ASIC3: variants seen among roughly 807,000 people sequenced by gnomAD.
ASIC3 encodes acid-sensing ion channel 3.
ASIC3 carries 46 observed loss-of-function variants against 58.6 expected under a neutral mutation model. That is an observed-to-expected ratio of 0.79 (90% CI 0.62 to 1.00). ASIC3 has a LOEUF of 1.00. ASIC3 is among the 50% of genes least tolerant of loss of function. The pLI, the probability that ASIC3 is intolerant of heterozygous loss-of-function variation, is 0.00. For missense variants in ASIC3, 770 were observed against 735.0 expected, an observed-to-expected ratio of 1.05 and a Z score of -0.55; for synonymous variants, 336 against 300.2, an observed-to-expected ratio of 1.12 and a Z score of -1.23.
rs372587470 is a variant in ASIC3 at position 151,049,216 on chromosome 7, G to A, written c.331G>A (p.Gly111Arg). 1.7e-5 allele frequency: 27 copies of A among 1,612,424 alleles called. No homozygotes were observed. The highest frequency in any genetic ancestry group is 3.3e-4 in the Middle Eastern group (2 of 6,060). The stretch of plus-strand genomic sequence containing the variant: ...AACGCCCAACGACCTGCACTGGGCT[G>A]GGTCTGCGCTGCTGGGCCTGGATCC... ...RLTPNDLHWA[G>R]SALLGLDPAE... is the part of the protein sequence containing the mutation. The change falls in exon 1 of 11, where the codon GGG (glycine) becomes AGG (arginine). Residue 111 changes from glycine to arginine, a missense_variant. Coordinates refer to ENST00000349064, the MANE Select transcript of ASIC3 (RefSeq NM_004769.4).
In ASIC3 at chr7:151,048,968, G is replaced by A. The variant is rs747134672; in HGVS notation, c.83G>A (p.Gly28Glu). 5.6e-6 allele frequency: 9 copies of A among 1,605,732 alleles called. No individual in the cohort carries two copies. The highest frequency in any genetic ancestry group is 7.7e-6 in the Non-Finnish European group (9 of 1,174,224). Residue 28 changes from glycine (G) to glutamate (E), a missense_variant, in exon 1 of 11, where the codon GGG (glycine) becomes GAG (glutamate). Transcript: ENST00000349064. ...RVFASNCSMH[G>E]LGHVFGPGSL... ...TTCGCCAGCAACTGCTCGATGCACG[G>A]GCTGGGCCACGTCTTCGGGCCAGGC... is the stretch of plus-strand genomic sequence containing the variant.
intron 3 of ASIC3, 45 bp from the exon 4 acceptor site, chr7:151,050,713 C>T: frequency 6.2e-7 from 1 of 1,606,646 alleles, no homozygotes; most frequent in Non-Finnish European, 8.5e-7. Flanking sequence ...CCCAGCTGGC[C>T]TCTCACGCTC....
intron 1 of ASIC3, 105 bp downstream of exon 1, chr7:151,049,524 G>A (rs1796716372): frequency 7.2e-6 from 10 of 1,387,930 alleles, no homozygotes; most frequent in South Asian, 5.6e-5. Context: ...CAAAGCCAGG[G>A]GACCTCTTCC....
In ASIC3 at chr7:151,049,972, G is replaced by A. The variant is rs546310892; in HGVS notation, c.535-134G>A. 2.0e-4 allele frequency: 233 copies of A among 1,183,180 alleles called. No homozygotes were observed. In the African/African-American group the frequency reaches 2.9e-3, roughly 15 times the overall value. 73.3% of individuals were successfully genotyped at this position (1,183,180 alleles called of 1,614,324 possible). Reference sequence around the variant, plus strand: ...TCCTGCAACATGTGCCCACTGGAGCGTGGGGCTGGGGGCATTGAGATGCGG... The same window carrying A: ...TCCTGCAACATGTGCCCACTGGAGCATGGGGCTGGGGGCATTGAGATGCGG... On this transcript the variant is annotated intron_variant, in intron 1 of 10. Transcript: ENST00000349064.
chr7:151,052,713 T>A lies in ASIC3; in HGVS notation c.*61T>A, dbSNP rs747012626. On this transcript the variant is annotated 3_prime_UTR_variant, in exon 11 of 11. Transcript: ENST00000349064. This position sits in a 1 kb window ranked among gnomAD's most constrained non-coding sequence, Gnocchi z 5.0. Reference sequence around the variant, plus strand: ...ATCCTGGACATGCCTAGCCTGCACGTAGCTTTTCCGTCTTCACCCCAAATA... The same window carrying A: ...ATCCTGGACATGCCTAGCCTGCACGAAGCTTTTCCGTCTTCACCCCAAATA... 7 of 1,613,980 alleles carry A rather than the reference T, an allele frequency of 4.3e-6. No individual in the cohort carries two copies. Among genetic ancestry groups the A allele is most frequent in the Middle Eastern group, 3.3e-4 (2 of 6,084 alleles).
At position 151,048,640 on chromosome 7, in the gene ASIC3, G is replaced by A; in HGVS notation, c.-246G>A. The stretch of plus-strand genomic sequence containing the variant: ...TCTGCTGCGGAGTCCCCAGCCCAGT[G>A]CCTAGCCCAGTGGAGCCACCGCCTG... On this transcript the variant is annotated 5_prime_UTR_variant, in exon 1 of 11. Coordinates refer to ENST00000349064, the MANE Select transcript of ASIC3 (RefSeq NM_004769.4). 1.9e-6 allele frequency: 1 copy of A among 529,630 alleles called. No individual in the cohort carries two copies. The highest frequency in any genetic ancestry group is 3.3e-6 in the Non-Finnish European group (1 of 300,630). 32.8% of individuals were successfully genotyped at this position (529,630 alleles called of 1,614,324 possible).
At chr7:151,048,370 C>A (rs1796676326), upstream of ASIC3, 1 of 156,204 alleles carries the variant, frequency 6.4e-6, no homozygotes, top group African/African-American at 2.4e-5. Flanking sequence ...TTCTCAAGCT[C>A]TCCCTAGGAT....
rs781338779 is a variant in ASIC3 at position 151,052,128 on chromosome 7, G to T, written c.1387-38G>T. 2 of 1,613,774 alleles carry T rather than the reference G, an allele frequency of 1.2e-6. No homozygotes were observed. The highest frequency in any genetic ancestry group is 1.7e-6 in the Non-Finnish European group (2 of 1,179,926). On this transcript the variant is annotated intron_variant, in intron 8 of 10. Transcript: ENST00000349064. The surrounding 1 kb of genome is among the most constrained non-coding windows in gnomAD (Gnocchi z 5.0). The stretch of plus-strand genomic sequence containing the variant: ...TCAGGGCCCCTAGGATGAGGGGGAA[G>T]GTGTGCACTGGCCACCTCCCATCCT...
intron 6 of ASIC3, 112 bp from the exon 7 acceptor site, chr7:151,051,698 C>A: frequency 8.9e-7 from 1 of 1,121,724 alleles, no homozygotes; most frequent in Non-Finnish European, 1.3e-6. Flanking sequence ...AGCCACCGTG[C>A]CCGGCCTCTC....
rs1241723881 is a variant in ASIC3, at chr7:151,049,124, AAAGCC to A, written c.241_245del (p.Ser81ProfsTer63). 1 of 1,613,894 alleles carries A rather than the reference AAAGCC, an allele frequency of 6.2e-7. No homozygotes were observed. Among genetic ancestry groups the A allele is most frequent in the African/African-American group, 1.3e-5 (1 of 75,036 alleles). ...CACCAGACTGCCCTGGATGAGCGAG[AAAGCC>A]ACCGGCTCATCTTCCCGGCTGTCAC... On this transcript the variant is annotated frameshift_variant, in exon 1 of 11. Coordinates refer to ENST00000349064, the MANE Select transcript of ASIC3 (RefSeq NM_004769.4). LOFTEE classifies it high-confidence loss of function.
Position 151,049,184 on chromosome 7 carries a change from C to A in ASIC3, c.299C>A (p.Ser100Ter). ...TLCNINPLRR[S>*]RLTPNDLHWA... Reference sequence around the variant, plus strand: ...TGCAACATCAACCCACTGCGCCGCTCGCGCCTAACGCCCAACGACCTGCAC... The same window carrying A: ...TGCAACATCAACCCACTGCGCCGCTAGCGCCTAACGCCCAACGACCTGCAC... The change falls in exon 1 of 11, where the codon TCG (serine) becomes TAG (stop). Residue 100 changes from serine (S) to a stop codon, truncating the protein, a stop_gained. Transcript: ENST00000349064. LOFTEE classifies it high-confidence loss of function. 6.2e-7 allele frequency: 1 copy of A among 1,613,600 alleles called. No individual in the cohort carries two copies.
chr7:151,051,912 A>G lies in ASIC3; in HGVS notation c.1306+11A>G. ...TGTCAGAGCTGCTTGGTGTGTGTGC[A>G]GGGCCCCCAGGGCTGGGGGGGTGTG... is the stretch of plus-strand genomic sequence containing the variant. On this transcript the variant is annotated intron_variant, in intron 7 of 10. Coordinates refer to ENST00000349064, the MANE Select transcript of ASIC3 (RefSeq NM_004769.4). The G allele has an allele frequency of 6.2e-7, 1 of 1,613,386 alleles. No homozygotes were observed. The highest frequency in any genetic ancestry group is 8.5e-7 in the Non-Finnish European group (1 of 1,179,840).
In ASIC3 at chr7:151,051,933, G is replaced by T. The variant is rs1796792120; in HGVS notation, c.1306+32G>T. On this transcript the variant is annotated intron_variant, in intron 7 of 10. Transcript: ENST00000349064. ...GTGCAGGGCCCCCAGGGCTGGGGGG[G>T]TGTGGGCAGGCAGGTGGCTGTAAGT... The T allele has an allele frequency of 3.7e-6, 6 of 1,613,654 alleles. No homozygotes were observed. In the Admixed American group the frequency reaches 6.7e-5, roughly 18 times the overall value.
chr7:151,051,936 T>G, intron 7 of ASIC3, 35 bp downstream of exon 7: 4 of 1,610,460 alleles, frequency 2.5e-6, no homozygotes, highest in Non-Finnish European at 3.4e-6. Context: ...TGGGGGGGTG[T>G]GGGCAGGCAG....
chr7:151,048,857 G>A lies in ASIC3; in HGVS notation c.-29G>A. ...TCTCTCTCGCTTCTTCCAAGCCTCT[G>A]TAGCTGGTTCCGCTCCTGGGTTCTG... On this transcript the variant is annotated 5_prime_UTR_variant, in exon 1 of 11. Transcript: ENST00000349064. The A allele has an allele frequency of 6.5e-7, 1 of 1,529,026 alleles. No homozygotes were observed. The highest frequency in any genetic ancestry group is 8.8e-7 in the Non-Finnish European group (1 of 1,137,674). The allele number at this position is 1,529,026 out of a possible 1,614,324, so 94.7% of individuals were successfully genotyped here. A position where few individuals can be genotyped will look rare whatever the true frequency, so the allele number is the denominator to read the frequency against.
In ASIC3 at chr7:151,051,983, G is replaced by A; in HGVS notation, c.1307G>A (p.Gly436Asp). Reference protein sequence around the residue: ...KKAYEMSELLGDIGGQMGLFI... With the variant: ...KKAYEMSELLDDIGGQMGLFI... ...TTGAAGGGTGACCCTGTCTCCACAG[G>A]TGACATTGGGGGCCAGATGGGGCTG... Residue 436 changes from glycine to aspartate, a missense_variant and splice_region_variant, in exon 8 of 11, where the codon GGT (glycine) becomes GAT (aspartate). Transcript: ENST00000349064. 1 of 1,613,524 alleles carries A rather than the reference G, an allele frequency of 6.2e-7. No individual in the cohort carries two copies. Among genetic ancestry groups the A allele is most frequent in the Non-Finnish European group, 8.5e-7 (1 of 1,179,838 alleles).
rs1796744567 is a variant in ASIC3 at position 151,050,610 on chromosome 7, T to C, written c.813+2T>C. On this transcript the variant is annotated splice_donor_variant, in intron 3 of 10. Transcript: ENST00000349064. LOFTEE classifies it high-confidence loss of function. ...TTTGTTTCTTGCCAGCAGCAGCAGG[T>C]ACCCTTCCGTGTGCCTCCACACCTA... The C allele has an allele frequency of 6.2e-7, 1 of 1,613,812 alleles. No homozygotes were observed. Among genetic ancestry groups the C allele is most frequent in the African/African-American group, 1.3e-5 (1 of 74,888 alleles).
rs1458650073 is a variant in ASIC3, at chr7:151,052,600, C to T, written c.1544C>T (p.Thr515Ile). Residue 515 changes from threonine to isoleucine, a missense_variant, in exon 11 of 11, where the codon ACC (threonine) becomes ATC (isoleucine). Coordinates refer to ENST00000349064, the MANE Select transcript of ASIC3 (RefSeq NM_004769.4). This position sits in a 1 kb window ranked among gnomAD's most constrained non-coding sequence, Gnocchi z 5.0. ...PRPPTPPCAVTKTLSASHRTC... is the reference protein window; with the variant it reads ...PRPPTPPCAVIKTLSASHRTC... ...CCTCCCACCCCTCCCTGTGCCGTCA[C>T]CAAGACTCTCTCCGCCTCCCACCGC... is the stretch of plus-strand genomic sequence containing the variant. 2 of 1,614,068 alleles carry T rather than the reference C, an allele frequency of 1.2e-6. No homozygotes were observed. The highest frequency in any genetic ancestry group is 1.1e-5 in the South Asian group (1 of 91,076).
rs961577303 is a variant in ASIC3, at chr7:151,049,014, G to A, written c.129G>A (p.Gly43=). 10 of 1,613,166 alleles carry A rather than the reference G, an allele frequency of 6.2e-6. No individual in the cohort carries two copies. Among genetic ancestry groups the A allele is most frequent in the African/African-American group, 1.3e-5 (1 of 74,930 alleles). The change falls in exon 1 of 11, where the codon GGG becomes GGA. Residue 43 remains glycine, a synonymous_variant. Transcript: ENST00000349064. The part of the protein sequence containing the change: ...FGPGSLSLRR[G]MWAAAVVLSV... ...CAGGCAGCCTGAGCCTGCGCCGGGG[G>A]ATGTGGGCAGCGGCCGTGGTCCTGT...
Sources: allele counts gnomAD v4.1 joint callset, GRCh38; gene constraint gnomAD v4.1.1; non-coding constraint Gnocchi (gnomAD v3.1); transcripts MANE v1.5; gene names NCBI Gene and HGNC (gene_info 2026-07-23, HGNC 2026-07-21).